The following WDR62 variants were observed in gnomAD, a reference collection of about 807,000 sequenced individuals.
WDR62 encodes the protein WD repeat-containing protein 62.
WDR62 carries 112 observed loss-of-function variants against 160.6 expected under a neutral mutation model. The observed-to-expected ratio is 0.70, with a 90% CI of 0.60 to 0.82. The LOEUF is 0.82. Ranked by LOEUF, WDR62 falls within the 40% of genes least tolerant of loss-of-function variation. The pLI is 0.00. For synonymous variants in WDR62, 792 were observed against 815.1 expected, an observed-to-expected ratio of 0.97 and a Z score of 0.48; for missense variants, 1,819 against 1,983.8, an observed-to-expected ratio of 0.92 and a Z score of 1.58.
At position 36,101,219 on chromosome 19, in the gene WDR62, A is replaced by T. The variant is rs376554781; in HGVS notation, c.2873A>T (p.Tyr958Phe). Residue 958 changes from tyrosine (Y) to phenylalanine (F), a missense_variant, in exon 24 of 32, where the codon TAT becomes TTT. By Grantham distance (22) the Tyr-to-Phe change is conservative (BLOSUM62 3). This residue lies in a region of WDR62 where 934 missense variants were observed against 1,157.2 expected (regional missense o/e 0.81). Transcript: ENST00000401500. ...TGCCCCCACTGGCACTGCAGCCAGTATTGCAGGAAGGAGGTGGAGGCCGGG... is the reference window on the plus strand; with the variant it reads ...TGCCCCCACTGGCACTGCAGCCAGTTTTGCAGGAAGGAGGTGGAGGCCGGG... ...EVTVTGTDSQ[Y>F]CRKEVEAGPG... is the part of the protein sequence containing the mutation. The T allele has an allele frequency of 3.9e-5, 63 of 1,612,164 alleles. No individual in the cohort carries two copies. The African/African-American group carries it at 8.0e-4, about 20-fold the overall frequency.
At chr19:36,101,802 C>T (rs772018935) in intron 25 of WDR62, 28 bp downstream of exon 25, 5 of 1,537,142 alleles carry the variant, frequency 3.3e-6, no homozygotes, top group Middle Eastern at 1.7e-4. Context: ...ACGCAGGGGA[C>T]TCGCTGCTCG....
chr19:36,102,000 T>G lies in WDR62; in HGVS notation c.3083-14T>G. 1 of 1,614,002 alleles carries G rather than the reference T, an allele frequency of 6.2e-7. No individual in the cohort carries two copies. The highest frequency in any genetic ancestry group is 8.5e-7 in the Non-Finnish European group (1 of 1,180,026). ...GTGTTGGCTCCTCTTGTCCCTCCCCTCCTTCCCTGTCAGGATGCGCAGGTC... is the reference window on the plus strand; with the variant it reads ...GTGTTGGCTCCTCTTGTCCCTCCCCGCCTTCCCTGTCAGGATGCGCAGGTC... On this transcript the variant is annotated splice_polypyrimidine_tract_variant and intron_variant, in intron 25 of 31. Coordinates refer to ENST00000401500, the MANE Select transcript of WDR62 (RefSeq NM_001083961.2).
intron 3 of WDR62, 116 bp from the exon 4 acceptor site, chr19:36,065,842 G>T: frequency 1.0e-6 from 1 of 994,786 alleles, no homozygotes; most frequent in Non-Finnish European, 1.6e-6. Flanking sequence ...ACCTCTGCTG[G>T]CCTCTTCCGA....
intron 18 of WDR62, 55 bp downstream of exon 18, chr19:36,091,520 C>A: frequency 6.5e-7 from 1 of 1,540,370 alleles, no homozygotes; most frequent in Non-Finnish European, 9.0e-7. Flanking sequence ...GCACTGCACT[C>A]AGCCTGCCTG....
downstream of WDR62, among the ~76,000 whole-genome samples, chr19:36,105,950 C>T (rs1391689470): frequency 6.6e-5 from 10 of 152,168 alleles, no homozygotes; most frequent in African/African-American, 1.2e-4. Flanking sequence ...CCGCCCACCT[C>T]GGCCTCCCAA....
At chr19:36,064,445 T>G (rs1029229883) in intron 3 of WDR62, among the ~76,000 whole-genome samples, 9 of 151,436 alleles carry the variant, frequency 5.9e-5, no homozygotes, top group African/African-American at 2.2e-4. Context: ...CTGGCTAATT[T>G]TGTTTTTGTA....
At chr19:36,097,863 G>C (rs1045863875) in intron 21 of WDR62, among the ~76,000 whole-genome samples, 9 of 152,066 alleles carry the variant, frequency 5.9e-5, no homozygotes, top group Non-Finnish European at 1.3e-4. Context: ...ATGAGCAACA[G>C]AGCCAACACT....
In WDR62 at chr19:36,101,736, C is replaced by T; in HGVS notation, c.3044C>T (p.Pro1015Leu). The change falls in exon 25 of 32, where the codon CCT (proline) becomes CTT (leucine). Residue 1015 changes from proline (P) to leucine (L), a missense_variant. Pro to Leu is a moderately conservative substitution (Grantham distance 98). This residue lies in a region of WDR62 where 770 missense variants were observed against 734.2 expected (regional missense o/e 1.05). Transcript: ENST00000401500. Reference protein sequence around the residue: ...AIHSPAPPPDPAPRFATSLPH... With the variant: ...AIHSPAPPPDLAPRFATSLPH... ...CACTCCCCAGCTCCGCCTCCTGACC[C>T]TGCCCCTCGGTTTGCCACGTCGCTG... is the stretch of plus-strand genomic sequence containing the variant. 1 of 1,551,932 alleles carries T rather than the reference C, an allele frequency of 6.4e-7. No homozygotes were observed.
intron 15 of WDR62, 73 bp downstream of exon 15, chr19:36,089,379 T>A: frequency 3.1e-6 from 5 of 1,611,648 alleles, no homozygotes; most frequent in Non-Finnish European, 4.2e-6. Context: ...CTCCCTCTGT[T>A]CCTCTGGTCC....
chr19:36,106,957 A>G (rs924039330), downstream of WDR62, among the ~76,000 whole-genome samples: 1 of 152,164 alleles, frequency 6.6e-6, no homozygotes, highest in African/African-American at 2.4e-5. Flanking sequence ...ACCATTGCCC[A>G]AAACCTTGCC....
At chr19:36,071,822 T>G in intron 8 of WDR62, 106 bp downstream of exon 8, 1 of 1,398,430 alleles carries the variant, frequency 7.2e-7, no homozygotes, top group Non-Finnish European at 9.6e-7. Flanking sequence ...ATCCCACAAA[T>G]ACCCATCATG....
chr19:36,076,813 G>A (rs534723127), intron 9 of WDR62, among the ~76,000 whole-genome samples: 1 of 152,240 alleles, frequency 6.6e-6, no homozygotes, highest in African/African-American at 2.4e-5. Context: ...TAAAACAATT[G>A]TAATGCATAT....
chr19:36,103,475 C>G lies in WDR62; in HGVS notation c.3647C>G (p.Ser1216Cys), dbSNP rs758149860. The G allele has an allele frequency of 1.2e-6, 2 of 1,614,154 alleles. No individual in the cohort carries two copies. Among genetic ancestry groups the G allele is most frequent in the Non-Finnish European group, 1.7e-6 (2 of 1,180,016 alleles). The change falls in exon 30 of 32, where the codon TCC (serine) becomes TGC (cysteine). Residue 1216 changes from serine to cysteine, a missense_variant. By Grantham distance (112) the Ser-to-Cys change is moderately radical. Around this residue, in one of 3 missense-constraint regions of WDR62, gnomAD observed 770 missense variants for 734.2 expected, o/e 1.05. Transcript: ENST00000401500. ...AQGVHAPSTC[S>C]YMEATASSRA... ...GGTGTCCATGCCCCCTCCACCTGTT[C>G]CTACATGGAGGCCACTGCCAGCTCC...
chr19:36,103,546 C>T lies in WDR62; in HGVS notation c.3718C>T (p.Pro1240Ser). The T allele has an allele frequency of 6.2e-7, 1 of 1,614,060 alleles. No individual in the cohort carries two copies. The highest frequency in any genetic ancestry group is 8.5e-7 in the Non-Finnish European group (1 of 1,180,032). The change falls in exon 30 of 32, where the codon CCT (proline) becomes TCT (serine). Residue 1240 changes from proline to serine, a missense_variant. By Grantham distance (74) the Pro-to-Ser change is moderately conservative. This residue lies in a region of WDR62 where 770 missense variants were observed against 734.2 expected (regional missense o/e 1.05). Coordinates refer to ENST00000401500, the MANE Select transcript of WDR62 (RefSeq NM_001083961.2). The stretch of plus-strand genomic sequence containing the variant: ...CATCTCCCTCGGTGACAGTGAGGGC[C>T]CTATCGTGGCCACACTGGCCCAGCC... ...RSISLGDSEG[P>S]IVATLAQPLR... is the part of the protein sequence containing the mutation.
chr19:36,090,331 G>A, intron 15 of WDR62, 114 bp from the exon 16 acceptor site: 2 of 943,510 alleles, frequency 2.1e-6, no homozygotes, highest in African/African-American at 1.6e-5. Flanking sequence ...GGCATCAGAT[G>A]GGGACAAGAG....
intron 11 of WDR62, 139 bp downstream of exon 11, chr19:36,083,380 AGC>A: frequency 4.4e-6 from 4 of 914,662 alleles, no homozygotes; most frequent in Non-Finnish European, 6.9e-6. Flanking sequence ...TCCCATGAAC[AGC>A]TCCCATTGGG....
intron 22 of WDR62, 56 bp from the exon 23 acceptor site, chr19:36,100,692 C>T: frequency 6.2e-7 from 1 of 1,610,196 alleles, no homozygotes; most frequent in Admixed American, 1.7e-5. Flanking sequence ...TCCTGGCGCA[C>T]TGTTGGTGGC....
At chr19:36,087,617 G>A (rs1972325870) in intron 13 of WDR62, among the ~76,000 whole-genome samples, 1 of 151,300 alleles carries the variant, frequency 6.6e-6, no homozygotes, top group African/African-American at 2.4e-5. Flanking sequence ...AGGAGTTTAA[G>A]ACCAGCCTGG....
At chr19:36,069,504 A>T (rs1305272335) in intron 7 of WDR62, among the ~76,000 whole-genome samples, 1 of 150,068 alleles carries the variant, frequency 6.7e-6, no homozygotes, top group African/African-American at 2.5e-5. Context: ...CTCACTTCCC[A>T]GATTGGGCAG....
Sources: allele counts gnomAD v4.1 joint callset (sites outside exome capture counted in the v4.1 genomes callset), GRCh38; gene constraint gnomAD v4.1.1; regional missense constraint gnomAD v4.1.1; transcripts MANE v1.5; gene names NCBI Gene and HGNC (gene_info 2026-07-23, HGNC 2026-07-21).